ERC2: variants seen among roughly 807,000 people sequenced by gnomAD.
ERC2 encodes ELKS/RAB6-interacting/CAST family member 2, also known as ERC protein 2.
Under a neutral mutation model 114.8 loss-of-function variants are expected in ERC2, and 42 were observed. That is an observed-to-expected ratio of 0.37 (90% CI 0.29 to 0.47). The LOEUF (loss-of-function observed/expected upper bound fraction) is 0.47. ERC2 is among the 20% of genes least tolerant of loss of function. The pLI is 0.99. For synonymous variants in ERC2, 454 were observed against 425.5 expected (o/e 1.07, Z -0.82); for missense variants, 939 against 1,150.7 (o/e 0.82, Z 2.66).
chr3:55,881,323 A>G (rs959965921), intron 14 of ERC2, among the ~76,000 whole-genome samples: 1 of 152,166 alleles, frequency 6.6e-6, no homozygotes, highest in Non-Finnish European at 1.5e-5. Context: ...AAGACTTGTG[A>G]GGCTATCTGG....
intron 17 of ERC2, among the ~76,000 whole-genome samples, chr3:55,623,648 CCA>C (rs2059404084): frequency 6.6e-6 from 1 of 152,126 alleles, no homozygotes; most frequent in African/African-American, 2.4e-5. Context: ...ACTGTCCTTC[CCA>C]CCAAACTATT....
chr3:55,822,876 G>A (rs2060186140), intron 14 of ERC2, among the ~76,000 whole-genome samples: 1 of 152,140 alleles, frequency 6.6e-6, no homozygotes, highest in African/African-American at 2.4e-5. Flanking sequence ...GCCTCCCAAA[G>A]TGCTGTGATT....
chr3:55,712,330 C>A (rs1243417286), intron 15 of ERC2, among the ~76,000 whole-genome samples: 1 of 152,114 alleles, frequency 6.6e-6, no homozygotes. Context: ...CGAGGATGCC[C>A]AGGAGCCCAG....
intron 16 of ERC2, among the ~76,000 whole-genome samples, chr3:55,689,856 C>T (rs1208057610): frequency 6.6e-6 from 1 of 151,876 alleles, no homozygotes; most frequent in Non-Finnish European, 1.5e-5. Context: ...ATATCCTGGC[C>T]CTGATGCTTC....
At chr3:55,996,131 T>C (rs551629515) in intron 10 of ERC2, among the ~76,000 whole-genome samples, 46 of 152,338 alleles carry the variant, frequency 3.0e-4, no homozygotes, top group Non-Finnish European at 4.7e-4. Flanking sequence ...AAGACATAAA[T>C]TGAAAATGCA....
At chr3:55,774,148 T>C (rs1488296224) in intron 14 of ERC2, among the ~76,000 whole-genome samples, 1 of 152,156 alleles carries the variant, frequency 6.6e-6, no homozygotes. Context: ...AGTCTCAGGC[T>C]AGACTGGGTA....
chr3:55,916,144 C>CATTG (rs1302733279), intron 13 of ERC2, among the ~76,000 whole-genome samples: 3 of 152,134 alleles, frequency 2.0e-5, no homozygotes, highest in African/African-American at 7.2e-5. Flanking sequence ...ACTGTGGCAA[C>CATTG]AGCGTGGTGA....
rs2067599925 is a variant in ERC2 at position 55,952,175 on chromosome 3, AC to A, written c.2268-1616del. ...CACACACACACACACACACACACAC[AC>A]ACACTCTCTCTCTCTCTCTCTCTAT... On this transcript the variant is annotated intron_variant, in intron 12 of 17. Coordinates refer to ENST00000288221, the MANE Select transcript of ERC2 (RefSeq NM_015576.3). 1.3e-4 allele frequency among the ~76,000 whole-genome samples: 8 copies of A among 63,358 alleles called. No homozygotes were observed. The East Asian group carries it at 1.3e-3, about 11-fold the overall frequency. The allele number at this position is 63,358 out of a possible 152,430, so 41.6% of individuals were successfully genotyped here.
chr3:56,185,660 G>A (rs1009362424), intron 3 of ERC2, among the ~76,000 whole-genome samples: 1 of 152,188 alleles, frequency 6.6e-6, no homozygotes, highest in Non-Finnish European at 1.5e-5. Context: ...GGGAGTCAGA[G>A]GGTGAAATGT....
At chr3:56,059,230 A>G (rs999538349) in intron 7 of ERC2, among the ~76,000 whole-genome samples, 1 of 151,904 alleles carries the variant, frequency 6.6e-6, no homozygotes, top group African/African-American at 2.4e-5. Flanking sequence ...AGCTAGGACT[A>G]TTGGCGCCCG....
At chr3:56,031,856 A>G (rs1217553455) in intron 7 of ERC2, among the ~76,000 whole-genome samples, 1 of 152,200 alleles carries the variant, frequency 6.6e-6, no homozygotes, top group Non-Finnish European at 1.5e-5. Flanking sequence ...TTCCACTGGG[A>G]TTTTTGGTAT....
At chr3:55,810,649 A>G (rs2059686372) in intron 14 of ERC2, among the ~76,000 whole-genome samples, 1 of 152,158 alleles carries the variant, frequency 6.6e-6, no homozygotes, top group Admixed American at 6.5e-5. Context: ...CAGTAGAGAC[A>G]GGGTTTCACC....
At chr3:56,078,079 C>T (rs1177498549) in intron 7 of ERC2, among the ~76,000 whole-genome samples, 1 of 152,136 alleles carries the variant, frequency 6.6e-6, no homozygotes, top group African/African-American at 2.4e-5. Context: ...CTACTATAAC[C>T]ATCTCTCTGT....
intron 17 of ERC2, among the ~76,000 whole-genome samples, chr3:55,546,555 A>G (rs982573246): frequency 2.6e-5 from 4 of 152,204 alleles, no homozygotes; most frequent in African/African-American, 7.2e-5. Context: ...TCACTGCTAC[A>G]TCTCCAAGGC....
intron 6 of ERC2, among the ~76,000 whole-genome samples, chr3:56,104,537 G>A (rs943744817): frequency 1.3e-5 from 2 of 152,024 alleles, no homozygotes; most frequent in Non-Finnish European, 2.9e-5. Context: ...TGATATTTTG[G>A]GGCATTCAAC....
At chr3:55,857,208 A>C (rs563681831) in intron 14 of ERC2, among the ~76,000 whole-genome samples, 81 of 152,336 alleles carry the variant, frequency 5.3e-4, no homozygotes, top group African/African-American at 1.9e-3. Context: ...AAAATAAAAC[A>C]GAGAGGGTAC....
At chr3:55,828,740 C>T (rs2060439889) in intron 14 of ERC2, among the ~76,000 whole-genome samples, 2 of 151,698 alleles carry the variant, frequency 1.3e-5, no homozygotes, top group South Asian at 4.2e-4. Flanking sequence ...AAAGGTAAGA[C>T]AGACTTGTGG....
intron 4 of ERC2, among the ~76,000 whole-genome samples, chr3:56,150,236 A>T (rs2081348379): frequency 6.6e-6 from 1 of 152,204 alleles, no homozygotes; most frequent in African/African-American, 2.4e-5. Flanking sequence ...TGAATAGGCT[A>T]TTCTATTTAT....
At chr3:55,851,499 G>C (rs545284547) in intron 14 of ERC2, among the ~76,000 whole-genome samples, 11 of 152,092 alleles carry the variant, frequency 7.2e-5, no homozygotes, top group African/African-American at 2.7e-4. Context: ...TCTGGCTTGC[G>C]TGCCCAACCC....
Sources: allele counts gnomAD v4.1 joint callset (sites outside exome capture counted in the v4.1 genomes callset), GRCh38; gene constraint gnomAD v4.1.1; transcripts MANE v1.5; gene names NCBI Gene and HGNC (gene_info 2026-07-23, HGNC 2026-07-21).